Variants in ARHGEF3 observed in about 807,000 individuals in gnomAD.
ARHGEF3 encodes the protein 59.8 kDA protein.
ARHGEF3 carries 28 observed loss-of-function variants against 63.2 expected under a neutral mutation model. The observed-to-expected ratio is 0.44, with a 90% confidence interval of 0.33 to 0.61. The LOEUF (loss-of-function observed/expected upper bound fraction) is 0.61. ARHGEF3 is among the 20% of genes least tolerant of loss of function. The pLI, the probability that ARHGEF3 is intolerant of heterozygous loss-of-function variation, is 0.03. For missense variants in ARHGEF3, 533 were observed against 659.3 expected, an observed-to-expected ratio of 0.81 and a Z score of 2.10; for synonymous variants, 266 against 254.2, an observed-to-expected ratio of 1.05 and a Z score of -0.44.
intron 4 of ARHGEF3, among the ~76,000 whole-genome samples, chr3:56,814,553 G>A (rs572632436): frequency 1.0e-3 from 159 of 152,166 alleles, no homozygotes; most frequent in Non-Finnish European, 1.9e-3. Flanking sequence ...GTTTTAATGA[G>A]TTAAAAACAC....
chr3:57,018,774 G>A (rs1703125862), intron 2 of ARHGEF3, among the ~76,000 whole-genome samples: 1 of 152,116 alleles, frequency 6.6e-6, no homozygotes, highest in Non-Finnish European at 1.5e-5. Context: ...CATGTGACAT[G>A]TATCATCTCA....
intron 3 of ARHGEF3, among the ~76,000 whole-genome samples, chr3:56,893,454 C>T (rs2041189532): frequency 6.6e-6 from 1 of 151,834 alleles, no homozygotes; most frequent in South Asian, 2.1e-4. Flanking sequence ...GCTGGGATTA[C>T]AGGCATGAGC....
intron 1 of ARHGEF3, among the ~76,000 whole-genome samples, chr3:57,040,937 C>T (rs551097561): frequency 6.6e-6 from 1 of 151,414 alleles, no homozygotes; most frequent in African/African-American, 2.4e-5. Context: ...TTACCTGCCT[C>T]TCACATACAG....
intron 1 of ARHGEF3, among the ~76,000 whole-genome samples, chr3:57,048,939 G>A (rs959987266): frequency 2.0e-5 from 3 of 152,164 alleles, no homozygotes; most frequent in African/African-American, 7.2e-5. Context: ...GAGCTAGGAG[G>A]ACACACAGCG....
At chr3:56,904,606 CTAA>C (rs1247741026) in intron 3 of ARHGEF3, among the ~76,000 whole-genome samples, 1 of 152,150 alleles carries the variant, frequency 6.6e-6, no homozygotes, top group African/African-American at 2.4e-5. Flanking sequence ...TTTGACTACT[CTAA>C]TGTTTGGCTG....
At chr3:56,990,996 C>A (rs1270429378) in intron 2 of ARHGEF3, among the ~76,000 whole-genome samples, 2 of 152,108 alleles carry the variant, frequency 1.3e-5, no homozygotes, top group Non-Finnish European at 2.9e-5. Flanking sequence ...TTTCCTTCCC[C>A]TCCCTTTGTC....
intron 3 of ARHGEF3, among the ~76,000 whole-genome samples, chr3:56,918,682 T>C (rs979725769): frequency 6.6e-6 from 1 of 152,174 alleles, no homozygotes; most frequent in Non-Finnish European, 1.5e-5. Context: ...AAGAAGGCAC[T>C]TCAAGAGGAG....
At position 57,054,515 on chromosome 3, in the gene ARHGEF3, G is replaced by GT. The variant is rs1340585312; in HGVS notation, c.-27-19340dup. Reference sequence around the variant, plus strand: ...AAGTCGGGCATGATGGTGCATGCCTGTGGTACCAGCGACTCGGGAGGCTGA... The same window carrying GT: ...AAGTCGGGCATGATGGTGCATGCCTGTTGGTACCAGCGACTCGGGAGGCTGA... On this transcript the variant is annotated intron_variant, in intron 1 of 12. Coordinates refer to the ARHGEF3 transcript ENST00000338458. 2.6e-5 allele frequency among the ~76,000 whole-genome samples: 4 copies of GT among 151,484 alleles called. No individual in the cohort carries two copies. In the East Asian group the frequency reaches 7.9e-4, roughly 30 times the overall value.
intron 4 of ARHGEF3, among the ~76,000 whole-genome samples, chr3:56,817,720 T>C (rs1480748338): frequency 6.6e-6 from 1 of 152,180 alleles, no homozygotes; most frequent in Non-Finnish European, 1.5e-5. Flanking sequence ...AGAAGATAAG[T>C]AACTTGCTCA....
chr3:56,753,195 G>A (rs1217054625), intron 4 of ARHGEF3, among the ~76,000 whole-genome samples: 1 of 152,214 alleles, frequency 6.6e-6, no homozygotes, highest in East Asian at 1.9e-4. Flanking sequence ...TGGGCAAAGA[G>A]TCCTACATAT....
chr3:56,912,793 G>A (rs1333615025), intron 3 of ARHGEF3, among the ~76,000 whole-genome samples: 1 of 152,186 alleles, frequency 6.6e-6, no homozygotes, highest in Non-Finnish European at 1.5e-5. Context: ...ATAGTGAGGT[G>A]AGTGAGATGG....
chr3:56,914,193 T>C (rs952293202), intron 3 of ARHGEF3, among the ~76,000 whole-genome samples: 2 of 152,210 alleles, frequency 1.3e-5, no homozygotes, highest in African/African-American at 4.8e-5. Context: ...GCTTGGATGA[T>C]GGGTGCAACA....
intron 4 of ARHGEF3, among the ~76,000 whole-genome samples, chr3:56,838,499 C>T (rs1369706434): frequency 1.3e-5 from 2 of 152,114 alleles, no homozygotes; most frequent in Admixed American, 6.5e-5. Context: ...AAAATACACA[C>T]AGTAATGTTC....
chr3:57,034,470 T>G (rs1038465923), intron 2 of ARHGEF3, among the ~76,000 whole-genome samples: 23 of 151,980 alleles, frequency 1.5e-4, no homozygotes, highest in African/African-American at 5.3e-4. Context: ...ATGTCCATAG[T>G]TTGGAATAAA....
chr3:57,006,337 C>T (rs140046780), intron 2 of ARHGEF3, among the ~76,000 whole-genome samples: 2 of 152,240 alleles, frequency 1.3e-5, no homozygotes, highest in African/African-American at 4.8e-5. Context: ...ACCACTACAC[C>T]GACAAGATAG....
At chr3:56,980,017 C>G (rs1253569116) in intron 2 of ARHGEF3, among the ~76,000 whole-genome samples, 1 of 152,160 alleles carries the variant, frequency 6.6e-6, no homozygotes, top group Non-Finnish European at 1.5e-5. Context: ...GGCAGGTTAC[C>G]TAACTCTTTG....
chr3:56,873,223 G>GT (rs34822100), intron 4 of ARHGEF3, among the ~76,000 whole-genome samples: 117,218 of 147,128 alleles, frequency 0.8, 47,372 homozygotes, highest in East Asian at 0.95. Context: ...TGCTATGTTT[G>GT]TTTTTTTTTT....
intron 2 of ARHGEF3, among the ~76,000 whole-genome samples, chr3:57,021,999 G>T (rs566057009): frequency 3.2e-4 from 48 of 152,312 alleles, no homozygotes; most frequent in African/African-American, 9.6e-4. Flanking sequence ...GGCTGGACAT[G>T]GTGGCTCAAG....
At chr3:56,882,297 T>A (rs544402838) in exon 4 of ARHGEF3, 3 of 1,551,868 alleles carry the variant, frequency 1.9e-6, no homozygotes, top group East Asian at 4.9e-5. Flanking sequence ...CTTACACTTA[T>A]GTCGAGACTG....
Sources: allele counts gnomAD v4.1 joint callset (sites outside exome capture counted in the v4.1 genomes callset), GRCh38; gene constraint gnomAD v4.1.1; transcripts MANE v1.5; gene names NCBI Gene and HGNC (gene_info 2026-07-23, HGNC 2026-07-21).